The following KIAA1217 variants were observed in gnomAD, a reference collection of about 807,000 sequenced individuals.
KIAA1217 encodes KIAA1217, also known as sickle tail protein homolog.
In KIAA1217, 88 loss-of-function variants were observed where a neutral mutation model predicts 163.9. That is an observed-to-expected ratio of 0.54 (90% CI 0.45 to 0.64). KIAA1217 has a LOEUF of 0.64. KIAA1217 is among the 30% of genes least tolerant of loss of function. The probability of loss-of-function intolerance (pLI) is 0.00; values close to 1 mark genes in which losing one functional copy is unlikely to be tolerated. For synonymous variants in KIAA1217, 903 were observed against 923.1 expected, an observed-to-expected ratio of 0.98 and a Z score of 0.39; for missense variants, 2,372 against 2,475.0, an observed-to-expected ratio of 0.96 and a Z score of 0.88.
intron 2 of KIAA1217, among the ~76,000 whole-genome samples, chr10:24,137,018 C>T (rs548070379): frequency 8.5e-5 from 13 of 152,236 alleles, no homozygotes; most frequent in Admixed American, 6.5e-4. Context: ...TGAAAGATGA[C>T]GGTGTCATTA....
intron 2 of KIAA1217, among the ~76,000 whole-genome samples, chr10:24,032,130 C>T (rs1261641855): frequency 6.6e-6 from 1 of 152,130 alleles, no homozygotes; most frequent in African/African-American, 2.4e-5. Flanking sequence ...ATGTTGAATG[C>T]TTTATAATAA....
chr10:23,917,835 T>C (rs114631617), intron 1 of KIAA1217, among the ~76,000 whole-genome samples: 3,771 of 152,324 alleles, frequency 0.025, 69 homozygotes, highest in Admixed American at 0.06. Context: ...GAAGGGCCTA[T>C]GACCCTTTGT....
Position 23,709,397 on chromosome 10 carries a change from T to C in KIAA1217, c.-321+14163T>C, listed in dbSNP as rs1837091287. On this transcript the variant is annotated intron_variant, in intron 1 of 18. Transcript: ENST00000376462. Reference sequence around the variant, plus strand: ...TTAAAAATTAGCCAGGCACGGTGGTTACACACCTGTGGTCCCAGGTACTCA... The same window carrying C: ...TTAAAAATTAGCCAGGCACGGTGGTCACACACCTGTGGTCCCAGGTACTCA... 2.0e-5 allele frequency among the ~76,000 whole-genome samples: 3 copies of C among 151,848 alleles called. No homozygotes were observed. The South Asian group carries it at 6.3e-4, about 32-fold the overall frequency.
intron 1 of KIAA1217, among the ~76,000 whole-genome samples, chr10:23,832,367 C>T (rs1396073687): frequency 4.6e-5 from 7 of 152,112 alleles, no homozygotes; most frequent in Non-Finnish European, 2.9e-5. Flanking sequence ...CTGGGCACAC[C>T]GCACTCCCGG....
intron 2 of KIAA1217, among the ~76,000 whole-genome samples, chr10:24,244,649 C>A (rs545629274): frequency 7.9e-5 from 12 of 151,228 alleles, no homozygotes; most frequent in African/African-American, 2.7e-4. Flanking sequence ...ATTGCAACCT[C>A]CGCCTCCCGG....
chr10:24,330,077 A>T (rs1444911133), intron 2 of KIAA1217, among the ~76,000 whole-genome samples: 1 of 152,154 alleles, frequency 6.6e-6, no homozygotes, highest in Non-Finnish European at 1.5e-5. Context: ...AGGCAGGTTG[A>T]TCACCTGAGG....
chr10:24,546,011 T>C lies in KIAA1217; in HGVS notation c.5519T>C (p.Leu1840Pro), dbSNP rs760649371. ...AAACCATCGATTGCTTCTAACCCTCTCAGCCCCCAAACAGGACCACCTGCT... is the reference window on the plus strand; with the variant it reads ...AAACCATCGATTGCTTCTAACCCTCCCAGCCCCCAAACAGGACCACCTGCT... Reference protein sequence around the residue: ...ATKPSIASNPLSPQTGPPAHS... With the variant: ...ATKPSIASNPPSPQTGPPAHS... Residue 1840 changes from leucine (L) to proline (P), a missense_variant, in exon 21 of 21, where the codon CTC becomes CCC. Leu to Pro is a moderately conservative substitution (Grantham distance 98). This residue lies in a region of KIAA1217 where 690 missense variants were observed against 677.5 expected (regional missense o/e 1.02). Coordinates refer to ENST00000376454, the MANE Select transcript of KIAA1217 (RefSeq NM_019590.5). 6.2e-7 allele frequency: 1 copy of C among 1,614,148 alleles called. No individual in the cohort carries two copies. Among genetic ancestry groups the C allele is most frequent in the Non-Finnish European group, 8.5e-7 (1 of 1,180,028 alleles).
At chr10:24,517,946 G>T (rs2070458230) in intron 10 of KIAA1217, among the ~76,000 whole-genome samples, 1 of 152,208 alleles carries the variant, frequency 6.6e-6, no homozygotes. Flanking sequence ...AGTAAGCTAA[G>T]ATCAGGCCAC....
intron 2 of KIAA1217, among the ~76,000 whole-genome samples, chr10:24,278,184 G>A (rs1382960112): frequency 6.6e-6 from 1 of 152,194 alleles, no homozygotes; most frequent in Non-Finnish European, 1.5e-5. Context: ...CAGCCACAGT[G>A]GCGGTGTAAA....
At position 24,437,906 on chromosome 10, in the gene KIAA1217, CAAAAAAA is replaced by C. The variant is rs58645832; in HGVS notation, c.753-467_753-461del. Among the ~76,000 whole-genome samples, 46 of 63,700 alleles carry C rather than the reference CAAAAAAA, an allele frequency of 7.2e-4. No homozygotes were observed. The East Asian group carries it at 0.011, about 15-fold the overall frequency. The allele number at this position is 63,700 out of a possible 152,430, so 41.8% of individuals were successfully genotyped here. A position where few individuals can be genotyped will look rare whatever the true frequency, so the allele number is the denominator to read the frequency against. ...TTCAGTTGCCGAAAGTGTTTGAAGG[CAAAAAAA>C]AAAAAAAAAAAAGAAAAAGAAAAAA... On this transcript the variant is annotated intron_variant, in intron 4 of 20. Transcript: ENST00000376454.
intron 5 of KIAA1217, among the ~76,000 whole-genome samples, chr10:24,469,611 A>G (rs1007296298): frequency 2.0e-5 from 3 of 151,534 alleles, no homozygotes; most frequent in African/African-American, 7.3e-5. Context: ...TAGATATTAT[A>G]TTGATTGATT....
intron 1 of KIAA1217, among the ~76,000 whole-genome samples, chr10:23,757,004 A>G (rs1833952343): frequency 6.6e-6 from 1 of 152,214 alleles, no homozygotes; most frequent in Non-Finnish European, 1.5e-5. Context: ...TGTTTTGCTT[A>G]GCATAATGTT....
intron 2 of KIAA1217, among the ~76,000 whole-genome samples, chr10:24,348,354 G>A (rs55735081): frequency 1.3e-3 from 52 of 39,586 alleles, no homozygotes; most frequent in African/African-American, 4.2e-3. Flanking sequence ...AAAATAAAAT[G>A]AAATAATTAT....
At chr10:24,002,027 G>A (rs144002597) in intron 1 of KIAA1217, among the ~76,000 whole-genome samples, 3 of 152,132 alleles carry the variant, frequency 2.0e-5, no homozygotes, top group African/African-American at 7.2e-5. Context: ...TTGGGCATTG[G>A]ATCCCTATGG....
chr10:23,959,848 T>C (rs1404678505), intron 1 of KIAA1217, among the ~76,000 whole-genome samples: 1 of 151,748 alleles, frequency 6.6e-6, no homozygotes, highest in African/African-American at 2.4e-5. Flanking sequence ...CCTCTGGGTA[T>C]AGGGAGAATA....
intron 2 of KIAA1217, chr10:24,158,866 T>C (rs142466496): frequency 2.2e-4 from 67 of 299,894 alleles, no homozygotes; most frequent in African/African-American, 1.5e-3. Flanking sequence ...GTTAGTTATA[T>C]AACTGTTCCT....
chr10:24,281,463 T>C (rs2077917348), intron 2 of KIAA1217, among the ~76,000 whole-genome samples: 1 of 152,192 alleles, frequency 6.6e-6, no homozygotes, highest in African/African-American at 2.4e-5. Flanking sequence ...GTCAGCATCT[T>C]CTCCCCATCA....
intron 2 of KIAA1217, among the ~76,000 whole-genome samples, chr10:24,203,380 A>G (rs922480129): frequency 1.3e-5 from 2 of 151,726 alleles, no homozygotes; most frequent in African/African-American, 2.4e-5. Context: ...GCTGAACAGG[A>G]CCCTGGAGAC....
At chr10:24,036,208 C>T (rs575503612) in intron 2 of KIAA1217, among the ~76,000 whole-genome samples, 1 of 152,276 alleles carries the variant, frequency 6.6e-6, no homozygotes, top group East Asian at 1.9e-4. Context: ...GTTCAGAAAC[C>T]AGGAAGAGAG....
Sources: allele counts gnomAD v4.1 joint callset (sites outside exome capture counted in the v4.1 genomes callset), GRCh38; gene constraint gnomAD v4.1.1; regional missense constraint gnomAD v4.1.1; transcripts MANE v1.5; gene names NCBI Gene and HGNC (gene_info 2026-07-23, HGNC 2026-07-21).